MGAT4C: variants seen among roughly 807,000 people sequenced by gnomAD.
The protein encoded by MGAT4C is MGAT4 family member C, also known as alpha-1,3-mannosyl-glycoprotein 4-beta-N-acetylglucosaminyltransferase C.
MGAT4C carries 19 observed loss-of-function variants against 40.1 expected under a neutral mutation model. The ratio of observed to expected loss-of-function variants is 0.47; its 90% CI spans 0.33 to 0.70. The LOEUF is 0.70. Among genes scored for constraint, MGAT4C ranks in the 30% least tolerant of loss-of-function variants. The pLI is 0.02. For synonymous variants in MGAT4C, 181 were observed against 187.1 expected (o/e 0.97, Z 0.27); for missense variants, 491 against 563.2 (o/e 0.87, Z 1.30).
chr12:86,709,125 T>C (rs1303463631), intron 2 of MGAT4C, among the ~76,000 whole-genome samples: 1 of 152,160 alleles, frequency 6.6e-6, no homozygotes, highest in Non-Finnish European at 1.5e-5. Context: ...GGTAATTGAA[T>C]CATGGGGACA....
chr12:86,054,897 A>T (rs753904011), intron 1 of MGAT4C, among the ~76,000 whole-genome samples: 6 of 151,938 alleles, frequency 3.9e-5, no homozygotes, highest in Non-Finnish European at 7.4e-5. Flanking sequence ...GTTTTAAAGG[A>T]GAATTTTCCT....
At chr12:86,696,160 C>T (rs988895846) in intron 2 of MGAT4C, among the ~76,000 whole-genome samples, 2 of 150,316 alleles carry the variant, frequency 1.3e-5, no homozygotes, top group South Asian at 2.1e-4. Flanking sequence ...TGCAGTGAGC[C>T]GAGATCACAC....
chr12:86,627,603 A>T (rs1170564932), intron 2 of MGAT4C, among the ~76,000 whole-genome samples: 1 of 152,228 alleles, frequency 6.6e-6, no homozygotes, highest in Non-Finnish European at 1.5e-5. Flanking sequence ...GGCAAACAGC[A>T]TCTGGAGTGG....
intron 2 of MGAT4C, among the ~76,000 whole-genome samples, chr12:86,586,039 T>C (rs939872996): frequency 6.7e-6 from 1 of 149,958 alleles, no homozygotes; most frequent in African/African-American, 2.4e-5. Context: ...CATGCTGGTG[T>C]GCTGCACCCA....
intron 4 of MGAT4C, among the ~76,000 whole-genome samples, chr12:86,263,601 G>T (rs935112854): frequency 6.6e-6 from 1 of 152,098 alleles, no homozygotes; most frequent in African/African-American, 2.4e-5. Context: ...TTGATTCAAT[G>T]TCTTTGCTAC....
chr12:86,320,566 G>A (rs943291701), intron 4 of MGAT4C, among the ~76,000 whole-genome samples: 1 of 152,188 alleles, frequency 6.6e-6, no homozygotes, highest in African/African-American at 2.4e-5. Context: ...CTCATTTCAT[G>A]GTCATAGATG....
At chr12:86,805,410 C>T (rs898345969) in intron 1 of MGAT4C, among the ~76,000 whole-genome samples, 10 of 151,846 alleles carry the variant, frequency 6.6e-5, no homozygotes, top group African/African-American at 2.4e-4. Flanking sequence ...TTCTTGCCAC[C>T]TTTATGTCTA....
At chr12:86,177,787 T>C (rs1174023138) in intron 1 of MGAT4C, among the ~76,000 whole-genome samples, 1 of 152,126 alleles carries the variant, frequency 6.6e-6, no homozygotes, top group Non-Finnish European at 1.5e-5. Context: ...CATATGAACC[T>C]TAGCTTTACA....
At chr12:86,594,347 T>TA (rs1961448461) in intron 2 of MGAT4C, among the ~76,000 whole-genome samples, 1 of 152,036 alleles carries the variant, frequency 6.6e-6, no homozygotes, top group Non-Finnish European at 1.5e-5. Flanking sequence ...TTAGTATATT[T>TA]AAAAAAATAA....
chr12:86,277,180 G>C (rs759137426), intron 4 of MGAT4C, among the ~76,000 whole-genome samples: 7 of 152,188 alleles, frequency 4.6e-5, no homozygotes, highest in Non-Finnish European at 7.4e-5. Context: ...TCTCAATGTT[G>C]AGCACATTTT....
At chr12:86,773,942 C>CTTTTTTTTTTTTTTTTTTTTTTTTTT (rs1565980916) in intron 1 of MGAT4C, among the ~76,000 whole-genome samples, 1 of 106,520 alleles carries the variant, frequency 9.4e-6, no homozygotes, top group Admixed American at 1.1e-4. Context: ...TTTAAAGTAA[C>CTTTTTTTTTTTTTTTTTTTTTTTTTT]TTCTTTTTTT....
chr12:86,806,383 T>G (rs1325728494), intron 1 of MGAT4C, among the ~76,000 whole-genome samples: 1 of 152,004 alleles, frequency 6.6e-6, no homozygotes, highest in African/African-American at 2.4e-5. Flanking sequence ...CATTGGTGTT[T>G]GTACAATTCA....
intron 1 of MGAT4C, among the ~76,000 whole-genome samples, chr12:86,191,673 A>ACC (rs547006908): frequency 0.071 from 8,715 of 122,238 alleles, 399 homozygotes; most frequent in Middle Eastern, 0.24. Context: ...ACACACACAC[A>ACC]CCCTTATCTC....
intron 1 of MGAT4C, among the ~76,000 whole-genome samples, chr12:86,242,111 T>C (rs902623402): frequency 6.6e-6 from 1 of 152,164 alleles, no homozygotes; most frequent in South Asian, 2.1e-4. Flanking sequence ...GCTGAGGTTC[T>C]AGGAAAATAT....
At chr12:86,678,810 T>G (rs1412894298) in intron 2 of MGAT4C, among the ~76,000 whole-genome samples, 1 of 152,128 alleles carries the variant, frequency 6.6e-6, no homozygotes, top group Non-Finnish European at 1.5e-5. Context: ...GTGCCACATT[T>G]TCTTAATCCA....
Position 85,960,908 on chromosome 12 carries a change from A to G in MGAT4C, c.*18381T>C, listed in dbSNP as rs946364235. ...GATGTTTGGCACTTTATTTTATAAA[A>G]CTACCCTTTACTTAAAATAAATCAT... On this transcript the variant is annotated 3_prime_UTR_variant, in exon 5 of 5. Transcript: ENST00000611864. The G allele has an allele frequency of 4.6e-5, 7 of 152,022 alleles. No homozygotes were observed. In the East Asian group the frequency reaches 1.2e-3, roughly 25 times the overall value. 9.4% of individuals were successfully genotyped at this position (152,022 alleles called of 1,614,324 possible).
chr12:86,067,892 G>A (rs1369185193), intron 1 of MGAT4C, among the ~76,000 whole-genome samples: 1 of 152,172 alleles, frequency 6.6e-6, no homozygotes, highest in African/African-American at 2.4e-5. Context: ...GACATGCAGA[G>A]CAAGAGTTGG....
chr12:86,141,373 A>T (rs567906278), intron 1 of MGAT4C, among the ~76,000 whole-genome samples: 13 of 152,322 alleles, frequency 8.5e-5, no homozygotes, highest in African/African-American at 3.1e-4. Flanking sequence ...AGCTGCTCAA[A>T]TTCATTTTTT....
chr12:86,001,378 C>T (rs1404820213), intron 2 of MGAT4C: 1 of 152,346 alleles, frequency 6.6e-6, no homozygotes, highest in African/African-American at 2.4e-5. Flanking sequence ...GTCTAAATTG[C>T]CATCTTTAAC....
Sources: gnomAD v4.1 joint callset for allele counts (sites outside exome capture counted in the v4.1 genomes callset) on GRCh38, gnomAD v4.1.1 for gene constraint, MANE v1.5 for transcripts, NCBI Gene and HGNC (gene_info 2026-07-23, HGNC 2026-07-21) for gene names.